Variants in GASK1B observed in about 807,000 individuals in gnomAD.
GASK1B encodes the protein golgi associated kinase 1B.
In GASK1B, 34 loss-of-function variants were observed where a neutral mutation model predicts 42.8. That is an observed-to-expected ratio of 0.79 (90% CI 0.60 to 1.06). The LOEUF is 1.06. Among genes scored for constraint, GASK1B ranks in the 50% least tolerant of loss-of-function variants. The pLI is 0.00. For synonymous variants in GASK1B, 262 were observed against 259.1 expected, an observed-to-expected ratio of 1.01 and a Z score of -0.11; for missense variants, 686 against 661.0, an observed-to-expected ratio of 1.04 and a Z score of -0.42.
rs1022253816 is a variant in GASK1B at position 158,127,235 on chromosome 4, A to C, written c.*172T>G. The stretch of plus-strand genomic sequence containing the variant: ...TAGTTTGTTTTTCAAAACCTTTTTA[A>C]GTATGCATACAGTGCTAAGTCCCAT... On this transcript the variant is annotated 3_prime_UTR_variant, in exon 5 of 5. Transcript: ENST00000585682. The C allele has an allele frequency of 1.5e-5, 7 of 470,804 alleles. No individual in the cohort carries two copies. The Admixed American group carries it at 1.9e-4, about 13-fold the overall frequency. 29.2% of individuals were successfully genotyped at this position (470,804 alleles called of 1,614,324 possible).
rs888237899 is a variant in GASK1B at position 158,127,133 on chromosome 4, T to C, written c.*274A>G. 8.5e-5 allele frequency: 22 copies of C among 259,616 alleles called. No individual in the cohort carries two copies. The highest frequency in any genetic ancestry group is 4.9e-4 in the African/African-American group (22 of 44,762). 16.1% of individuals were successfully genotyped at this position (259,616 alleles called of 1,614,324 possible). ...TTCAAAACTTAGCTAGAATAATAAC[T>C]GAAATTTCTGTTGTCAGATGTTCAG... On this transcript the variant is annotated 3_prime_UTR_variant, in exon 5 of 5. Transcript: ENST00000585682.
intron 3 of GASK1B, among the ~76,000 whole-genome samples, chr4:158,153,476 T>A (rs1164459452): frequency 6.6e-6 from 1 of 152,010 alleles, no homozygotes; most frequent in African/African-American, 2.4e-5. Context: ...AATACCACCA[T>A]AACTCTTCAC....
chr4:158,126,117 A>T lies in GASK1B; in HGVS notation c.*1290T>A, dbSNP rs1224714920. On this transcript the variant is annotated 3_prime_UTR_variant, in exon 5 of 5. Transcript: ENST00000585682. Reference sequence around the variant, plus strand: ...TCACAAATAGAACTTTTAAATAAGGAGTAGGATGTGTAAGGGCAGGAAGGT... The same window carrying T: ...TCACAAATAGAACTTTTAAATAAGGTGTAGGATGTGTAAGGGCAGGAAGGT... The T allele has an allele frequency of 6.6e-6, 1 of 152,166 alleles. No homozygotes were observed. The highest frequency in any genetic ancestry group is 1.5e-5 in the Non-Finnish European group (1 of 68,006). 9.4% of individuals were successfully genotyped at this position (152,166 alleles called of 1,614,324 possible).
Position 158,124,933 on chromosome 4 carries a change from A to G in GASK1B, c.*2474T>C, listed in dbSNP as rs1247589476. 1 of 152,170 alleles carries G rather than the reference A, an allele frequency of 6.6e-6. No homozygotes were observed. The highest frequency in any genetic ancestry group is 1.5e-5 in the Non-Finnish European group (1 of 68,026). The allele number at this position is 152,170 out of a possible 1,614,324, so 9.4% of individuals were successfully genotyped here. ...TATTAGCTTAAAGAAAGTAAGTCACACAAGAATAAGCTTTTGCATGTCTGC... is the reference window on the plus strand; with the variant it reads ...TATTAGCTTAAAGAAAGTAAGTCACGCAAGAATAAGCTTTTGCATGTCTGC... On this transcript the variant is annotated 3_prime_UTR_variant, in exon 5 of 5. Transcript: ENST00000585682.
intron 3 of GASK1B, among the ~76,000 whole-genome samples, chr4:158,150,731 T>C (rs531056816): frequency 6.6e-6 from 1 of 152,302 alleles, no homozygotes; most frequent in African/African-American, 2.4e-5. Context: ...AATGAGATAA[T>C]GCATATATAA....
intron 3 of GASK1B, among the ~76,000 whole-genome samples, chr4:158,143,715 G>A (rs924739977): frequency 5.3e-5 from 8 of 152,056 alleles, no homozygotes; most frequent in Non-Finnish European, 8.8e-5. Flanking sequence ...AATAAATATA[G>A]GCCAGTCAAG....
At chr4:158,152,134 T>C (rs998176892) in intron 3 of GASK1B, among the ~76,000 whole-genome samples, 1 of 152,172 alleles carries the variant, frequency 6.6e-6, no homozygotes, top group African/African-American at 2.4e-5. Flanking sequence ...CCAGGGTCTC[T>C]CAGGCCTTTG....
chr4:158,170,345 C>T, intron 2 of GASK1B, 121 bp downstream of exon 2: 4 of 1,614,210 alleles, frequency 2.5e-6, no homozygotes, highest in Non-Finnish European at 3.4e-6. Context: ...GCTGCTGCTG[C>T]TGCTGTCCAA....
intron 4 of GASK1B, among the ~76,000 whole-genome samples, chr4:158,128,867 C>A (rs942067867): frequency 1.3e-5 from 2 of 152,132 alleles, no homozygotes. Context: ...TTTAGGGGCT[C>A]TAGTATTAAG....
intron 2 of GASK1B, among the ~76,000 whole-genome samples, chr4:158,161,986 C>T (rs570670202): frequency 3.9e-5 from 6 of 152,258 alleles, no homozygotes; most frequent in South Asian, 4.1e-4. Flanking sequence ...TAACTCACAT[C>T]GTGCCCCTAA....
intron 2 of GASK1B, among the ~76,000 whole-genome samples, chr4:158,167,374 T>C (rs1036023799): frequency 6.6e-5 from 10 of 152,166 alleles, no homozygotes; most frequent in African/African-American, 2.4e-4. Context: ...AACCTTTCAT[T>C]TGCATTGTAA....
intron 3 of GASK1B, among the ~76,000 whole-genome samples, chr4:158,146,449 T>C (rs1182798395): frequency 6.6e-6 from 1 of 152,196 alleles, no homozygotes; most frequent in Non-Finnish European, 1.5e-5. Context: ...GATCAGTTGC[T>C]TAATTCATAA....
intron 2 of GASK1B, among the ~76,000 whole-genome samples, chr4:158,160,502 G>A (rs1245727925): frequency 1.3e-5 from 2 of 152,104 alleles, no homozygotes; most frequent in Admixed American, 6.6e-5. Flanking sequence ...ACTGCTGGTT[G>A]GAATATGCAT....
In GASK1B at chr4:158,125,062, GCA is replaced by G. The variant is rs1474614029; in HGVS notation, c.*2343_*2344del. 2 of 152,120 alleles carry G rather than the reference GCA, an allele frequency of 1.3e-5. No homozygotes were observed. Among genetic ancestry groups the G allele is most frequent in the African/African-American group, 2.4e-5 (1 of 41,432 alleles). 9.4% of individuals were successfully genotyped at this position (152,120 alleles called of 1,614,324 possible). Reference sequence around the variant, plus strand: ...AGCATAATCGGAGTGCATTTGAAATGCACAGAGTATTCTCATTGTTTCAATAA... The same window carrying G: ...AGCATAATCGGAGTGCATTTGAAATGCAGAGTATTCTCATTGTTTCAATAA... On this transcript the variant is annotated 3_prime_UTR_variant, in exon 5 of 5. Transcript: ENST00000585682.
At chr4:158,135,055 G>A (rs925296750) in intron 3 of GASK1B, among the ~76,000 whole-genome samples, 4 of 152,004 alleles carry the variant, frequency 2.6e-5, no homozygotes, top group Non-Finnish European at 1.5e-5. Context: ...TATTTTGGCC[G>A]AGCATGCTGG....
intron 3 of GASK1B, among the ~76,000 whole-genome samples, chr4:158,146,948 T>C (rs554168123): frequency 6.6e-6 from 1 of 152,336 alleles, no homozygotes; most frequent in East Asian, 1.9e-4. Flanking sequence ...TAAAATGGCA[T>C]AGCCTTTGTG....
chr4:158,150,092 A>AT (rs1731498135), intron 3 of GASK1B, among the ~76,000 whole-genome samples: 2 of 151,580 alleles, frequency 1.3e-5, no homozygotes, highest in Admixed American at 6.6e-5. Context: ...TGCCCGGCTA[A>AT]TTTTTTGTAT....
chr4:158,128,770 T>A (rs541126683), intron 4 of GASK1B, among the ~76,000 whole-genome samples: 1 of 152,194 alleles, frequency 6.6e-6, no homozygotes, highest in African/African-American at 2.4e-5. Flanking sequence ...ACTTGCTTAA[T>A]GTGTGTGAGG....
chr4:158,170,819 G>T lies in GASK1B; in HGVS notation c.557C>A (p.Pro186Gln). Residue 186 changes from proline to glutamine, a missense_variant, in exon 2 of 5, where the codon CCG (proline) becomes CAG (glutamine). By Grantham distance (76) the Pro-to-Gln change is moderately conservative. Coordinates refer to ENST00000585682, the MANE Select transcript of GASK1B (RefSeq NM_001128424.2). The stretch of plus-strand genomic sequence containing the variant: ...GTCTGGGCCCCCGGCTCGCACTCCC[G>T]GACCCCGCACCAACCTCCAGGGTCG... Reference protein sequence around the residue: ...GERPWRLVRGPGVRAGGPDFL... With the variant: ...GERPWRLVRGQGVRAGGPDFL... 6.2e-7 allele frequency: 1 copy of T among 1,614,160 alleles called. No homozygotes were observed.
Sources: allele counts gnomAD v4.1 joint callset (sites outside exome capture counted in the v4.1 genomes callset), GRCh38; gene constraint gnomAD v4.1.1; transcripts MANE v1.5; gene names NCBI Gene and HGNC (gene_info 2026-07-23, HGNC 2026-07-21).